MORC1: variants seen among roughly 807,000 people sequenced by gnomAD.
MORC1 encodes MORC family CW-type zinc finger 1.
Under a neutral mutation model 134.9 loss-of-function variants are expected in MORC1, and 59 were observed. That is an observed-to-expected ratio of 0.44 (90% CI 0.35 to 0.54). The LOEUF (loss-of-function observed/expected upper bound fraction) is 0.54. MORC1 is among the 20% of genes least tolerant of loss of function. The probability of loss-of-function intolerance (pLI) is 0.00; values close to 1 mark genes in which losing one functional copy is unlikely to be tolerated. For missense variants in MORC1, 947 were observed against 1,134.5 expected, an observed-to-expected ratio of 0.83 and a Z score of 2.37; for synonymous variants, 395 against 391.7, an observed-to-expected ratio of 1.01 and a Z score of -0.10.
chr3:109,055,282 T>C (rs1949930919), intron 13 of MORC1, among the ~76,000 whole-genome samples: 1 of 152,216 alleles, frequency 6.6e-6, no homozygotes, highest in Non-Finnish European at 1.5e-5. Context: ...ATCTAACAGA[T>C]TGGATTTCTC....
rs139382442 is a variant in MORC1, at chr3:109,038,719, G to C, written c.1331-3251C>G. Among the ~76,000 whole-genome samples, 780 of 152,158 alleles carry C rather than the reference G, an allele frequency of 5.1e-3. 18 individuals are homozygous for C. Among genetic ancestry groups the C allele is most frequent in the African/African-American group, 0.018 (749 of 41,506 alleles). On this transcript the variant is annotated intron_variant, in intron 14 of 27. Transcript: ENST00000232603. ...AATCCTTTCCCCATTTCTTGTTTTT[G>C]TCAGGTTTGTCAAAGACCAGATGGT...
chr3:109,030,944 A>G (rs1041891561), intron 16 of MORC1, among the ~76,000 whole-genome samples: 2 of 152,248 alleles, frequency 1.3e-5, no homozygotes, highest in Admixed American at 1.3e-4. Context: ...AGTATCTCAT[A>G]TACTCACAAA....
chr3:109,086,209 T>G (rs1950613478), intron 8 of MORC1, among the ~76,000 whole-genome samples: 1 of 152,038 alleles, frequency 6.6e-6, no homozygotes, highest in African/African-American at 2.4e-5. Flanking sequence ...TCATCTGTGG[T>G]ACAATTCAAA....
At chr3:109,022,253 G>C (rs1948975782) in intron 17 of MORC1, among the ~76,000 whole-genome samples, 2 of 152,126 alleles carry the variant, frequency 1.3e-5, no homozygotes, top group Non-Finnish European at 2.9e-5. Context: ...ATAGAGATTT[G>C]AAACCTCAGC....
chr3:108,968,286 G>A (rs1429501016), intron 26 of MORC1, among the ~76,000 whole-genome samples: 2 of 152,186 alleles, frequency 1.3e-5, no homozygotes, highest in African/African-American at 4.8e-5. Flanking sequence ...AGTAATGGGA[G>A]ACCAATAATT....
At chr3:108,996,348 A>G (rs1378563124) in intron 21 of MORC1, among the ~76,000 whole-genome samples, 1 of 151,626 alleles carries the variant, frequency 6.6e-6, no homozygotes, top group Non-Finnish European at 1.5e-5. Context: ...AGGGTCAGAG[A>G]TAATAAATAT....
chr3:109,114,999 T>C (rs1359737097), intron 1 of MORC1, among the ~76,000 whole-genome samples: 1 of 152,214 alleles, frequency 6.6e-6, no homozygotes, highest in Non-Finnish European at 1.5e-5. Flanking sequence ...TACCCTCGAA[T>C]GCCAGGTCCT....
intron 12 of MORC1, among the ~76,000 whole-genome samples, chr3:109,059,044 A>G (rs982356795): frequency 6.6e-6 from 1 of 152,206 alleles, no homozygotes; most frequent in Non-Finnish European, 1.5e-5. Flanking sequence ...TAGTAAATGC[A>G]TAAGTAACAT....
intron 22 of MORC1, 79 bp from the exon 23 acceptor site, chr3:108,984,861 T>C: frequency 9.8e-7 from 1 of 1,022,488 alleles, no homozygotes; most frequent in Admixed American, 2.3e-5. Flanking sequence ...TAGCAGTTCA[T>C]TAACTACCTC....
rs534158393 is a variant in MORC1, at chr3:109,038,952, C to T, written c.1331-3484G>A. Among the ~76,000 whole-genome samples the T allele has an allele frequency of 3.9e-5, 6 of 152,234 alleles. No individual in the cohort carries two copies. In the East Asian group the frequency reaches 9.7e-4, roughly 24 times the overall value. ...TTTTTGTTAAGACAGAGTCTCACTC[C>T]TTCACTCAGGCTGAAGTGCAGTGGT... On this transcript the variant is annotated intron_variant, in intron 14 of 27. Transcript: ENST00000232603.
At chr3:109,040,708 T>C (rs1949519544) in intron 14 of MORC1, among the ~76,000 whole-genome samples, 1 of 150,430 alleles carries the variant, frequency 6.6e-6, no homozygotes, top group African/African-American at 2.5e-5. Flanking sequence ...CACACACCTG[T>C]AATCCCAACT....
chr3:109,049,338 T>C (rs1362931836), intron 14 of MORC1: 3 of 167,012 alleles, frequency 1.8e-5, no homozygotes, highest in Non-Finnish European at 2.5e-5. Context: ...AACTGGGTAA[T>C]TGACAAGGGT....
intron 24 of MORC1, among the ~76,000 whole-genome samples, chr3:108,978,230 T>C (rs1947618210): frequency 6.6e-6 from 1 of 152,162 alleles, no homozygotes; most frequent in African/African-American, 2.4e-5. Flanking sequence ...TGGCCTGCTT[T>C]TGTCCCATTT....
At position 109,103,836 on chromosome 3, in the gene MORC1, A is replaced by G; in HGVS notation, c.223+13T>C. 1 of 1,608,188 alleles carries G rather than the reference A, an allele frequency of 6.2e-7. No individual in the cohort carries two copies. Among genetic ancestry groups the G allele is most frequent in the Non-Finnish European group, 8.5e-7 (1 of 1,174,610 alleles). Reference sequence around the variant, plus strand: ...CTTTAACAGCCAGTTAGGTATCTAGATAATTAACTTACCAGGGCTCATGCC... The same window carrying G: ...CTTTAACAGCCAGTTAGGTATCTAGGTAATTAACTTACCAGGGCTCATGCC... On this transcript the variant is annotated intron_variant, in intron 4 of 27. Coordinates refer to ENST00000232603, the MANE Select transcript of MORC1 (RefSeq NM_014429.4).
chr3:109,049,899 G>A (rs1199324510), intron 14 of MORC1, among the ~76,000 whole-genome samples: 2 of 152,178 alleles, frequency 1.3e-5, no homozygotes, highest in East Asian at 3.9e-4. Flanking sequence ...TACTAGGACG[G>A]TAAATATATT....
chr3:109,027,194 GAAAAT>G (rs571105157), intron 17 of MORC1, among the ~76,000 whole-genome samples: 143 of 152,212 alleles, frequency 9.4e-4, no homozygotes, highest in African/African-American at 3.3e-3. Context: ...TATTAGTCAA[GAAAAT>G]AAAATAATTT....
Position 109,040,436 on chromosome 3 carries a change from G to GAA in MORC1, c.1331-4970_1331-4969dup, listed in dbSNP as rs1576665936. Among the ~76,000 whole-genome samples the GAA allele has an allele frequency of 6.7e-5, 7 of 104,056 alleles. No homozygotes were observed. The East Asian group carries it at 1.3e-3, about 20-fold the overall frequency. The allele number at this position is 104,056 out of a possible 152,430, so 68.3% of individuals were successfully genotyped here. ...GGAAGGAAGGAAGGAAGGAAAGAAA[G>GAA]AAAGAAAGAAAGAAAGAAAGAAAGA... On this transcript the variant is annotated intron_variant, in intron 14 of 27. Transcript: ENST00000232603.
intron 2 of MORC1, among the ~76,000 whole-genome samples, chr3:109,112,238 A>G (rs1951182615): frequency 6.6e-6 from 1 of 152,190 alleles, no homozygotes; most frequent in South Asian, 2.1e-4. Context: ...TCCTTTCTGA[A>G]GAGCTATTGT....
chr3:108,987,380 G>A (rs2593964), intron 21 of MORC1, among the ~76,000 whole-genome samples: 19,273 of 152,194 alleles, frequency 0.13, 1,312 homozygotes, highest in Non-Finnish European at 0.15. Context: ...CAGCATCCCT[G>A]CAATGAAAAC....
Sources: gnomAD v4.1 joint callset for allele counts (sites outside exome capture counted in the v4.1 genomes callset) on GRCh38, gnomAD v4.1.1 for gene constraint, MANE v1.5 for transcripts, NCBI Gene and HGNC (gene_info 2026-07-23, HGNC 2026-07-21) for gene names.